The following SLC25A48 variants were observed in gnomAD, a reference collection of about 807,000 sequenced individuals.
SLC25A48 encodes the protein solute carrier family 25 member 48, also known as CTC-321K16.1.
SLC25A48 carries 29 observed loss-of-function variants against 32.2 expected under a neutral mutation model. The observed-to-expected ratio is 0.90, with a 90% CI of 0.67 to 1.23. The LOEUF is 1.23. SLC25A48 is among the 50% of genes most tolerant of loss of function. The pLI, the probability that SLC25A48 is intolerant of heterozygous loss-of-function variation, is 0.00. For missense variants in SLC25A48, 399 were observed against 422.7 expected (o/e 0.94, Z 0.49); for synonymous variants, 164 against 172.3 (o/e 0.95, Z 0.38).
chr5:135,698,610 G>A (rs1322698332), intron 3 of SLC25A48, among the ~76,000 whole-genome samples: 29 of 152,042 alleles, frequency 1.9e-4, no homozygotes, highest in Non-Finnish European at 1.8e-4. Context: ...AAAAGATATT[G>A]GAAAGAATAT....
At position 135,880,581 on chromosome 5, in the gene SLC25A48, A is replaced by G. The variant is rs112255628; in HGVS notation, c.*7+484A>G. ...TCTGCCACCATTCTTTGCCTCCCATACCCTCTTTTTCTTTCTCATTGCAGA... is the reference window on the plus strand; with the variant it reads ...TCTGCCACCATTCTTTGCCTCCCATGCCCTCTTTTTCTTTCTCATTGCAGA... On this transcript the variant is annotated intron_variant, in intron 7 of 7. Transcript: ENST00000681962. Among the ~76,000 whole-genome samples the G allele has an allele frequency of 6.2e-3, 937 of 151,518 alleles. 12 individuals are homozygous for G. The highest frequency in any genetic ancestry group is 0.021 in the African/African-American group (881 of 41,272).
chr5:135,749,549 A>G (rs1487438567), intron 3 of SLC25A48, among the ~76,000 whole-genome samples: 2 of 151,910 alleles, frequency 1.3e-5, no homozygotes, highest in African/African-American at 4.8e-5. Context: ...ACATCCACTA[A>G]CACCTGAGGA....
intron 3 of SLC25A48, among the ~76,000 whole-genome samples, chr5:135,752,619 T>G (rs912214285): frequency 6.6e-6 from 1 of 152,172 alleles, no homozygotes; most frequent in Non-Finnish European, 1.5e-5. Flanking sequence ...TACACACATT[T>G]TGTACACACA....
rs34595811 is a variant in SLC25A48, at chr5:135,745,032, G to A, written c.-520-67491G>A. Among the ~76,000 whole-genome samples, 1,365 of 152,240 alleles carry A rather than the reference G, an allele frequency of 9.0e-3. 8 individuals carry two copies. Among genetic ancestry groups the A allele is most frequent in the Non-Finnish European group, 0.013 (907 of 68,008 alleles). On this transcript the variant is annotated intron_variant, in intron 3 of 10. Transcript: ENST00000646290. ...ACTCCAGCCTGGGCTACACAGTGCC[G>A]AGACCAGCTCGGTTGTGGAGACCCT...
intron 3 of SLC25A48, among the ~76,000 whole-genome samples, chr5:135,692,829 A>G (rs1436438988): frequency 6.6e-6 from 1 of 152,226 alleles, no homozygotes; most frequent in African/African-American, 2.4e-5. Context: ...CCACTCAACT[A>G]AGAGATGAAT....
intron 3 of SLC25A48, among the ~76,000 whole-genome samples, chr5:135,720,451 G>T (rs1400040823): frequency 1.3e-5 from 2 of 152,224 alleles, no homozygotes; most frequent in Non-Finnish European, 2.9e-5. Flanking sequence ...CCTAAACTGT[G>T]CCACCCCTTT....
At chr5:135,732,455 A>C (rs1240029175) in intron 3 of SLC25A48, among the ~76,000 whole-genome samples, 3 of 152,140 alleles carry the variant, frequency 2.0e-5, no homozygotes, top group Non-Finnish European at 4.4e-5. Context: ...TTCCTGACCC[A>C]AGGCATGTGA....
chr5:135,652,468 A>G lies in SLC25A48; in HGVS notation c.-521+17512A>G, dbSNP rs115242314. 3.7e-3 allele frequency: 1,679 copies of G among 455,986 alleles called. 32 individuals carry two copies. The highest frequency in any genetic ancestry group is 0.03 in the African/African-American group (1,518 of 50,182). 28.2% of individuals were successfully genotyped at this position (455,986 alleles called of 1,614,324 possible). On this transcript the variant is annotated intron_variant, in intron 3 of 10. Transcript: ENST00000646290. ...CTTCTGATCCAAGAACCCACTTCTCAGCAAAGAAAGTGGTGCAATGGATTA... is the reference window on the plus strand; with the variant it reads ...CTTCTGATCCAAGAACCCACTTCTCGGCAAAGAAAGTGGTGCAATGGATTA...
chr5:135,726,227 T>A (rs1179789306), intron 3 of SLC25A48, among the ~76,000 whole-genome samples: 3 of 152,212 alleles, frequency 2.0e-5, no homozygotes, highest in African/African-American at 7.2e-5. Context: ...TCATGCTATG[T>A]CCTTTTTATT....
chr5:135,797,231 T>C (rs981742759), intron 3 of SLC25A48, among the ~76,000 whole-genome samples: 8 of 151,892 alleles, frequency 5.3e-5, no homozygotes, highest in South Asian at 2.1e-4. Context: ...GTTTCTAATA[T>C]CCAGAAGTGG....
At chr5:135,609,744 A>T (rs1752021797) in intron 1 of SLC25A48, 1 of 152,250 alleles carries the variant, frequency 6.6e-6, no homozygotes, top group South Asian at 2.1e-4. Flanking sequence ...TGGAAAAAGC[A>T]AAGCACAGAA....
At chr5:135,757,186 A>T (rs1187579664) in intron 3 of SLC25A48, among the ~76,000 whole-genome samples, 3 of 150,100 alleles carry the variant, frequency 2.0e-5, no homozygotes, top group Non-Finnish European at 4.5e-5. Context: ...GTCTAGTGTT[A>T]ACACATTATA....
intron 3 of SLC25A48, among the ~76,000 whole-genome samples, chr5:135,698,119 T>C (rs948197808): frequency 1.3e-5 from 2 of 152,216 alleles, no homozygotes; most frequent in Admixed American, 6.5e-5. Flanking sequence ...AAGTTGTCAG[T>C]GCAGGGAGGC....
intron 3 of SLC25A48, among the ~76,000 whole-genome samples, chr5:135,779,583 A>G (rs1756670494): frequency 1.5e-5 from 1 of 67,720 alleles, no homozygotes; most frequent in African/African-American, 3.3e-5. Flanking sequence ...GACTCCAAGT[A>G]TCTAAGGGAT....
intron 1 of SLC25A48, among the ~76,000 whole-genome samples, chr5:135,615,431 C>T (rs1417090563): frequency 6.6e-6 from 1 of 152,146 alleles, no homozygotes; most frequent in Non-Finnish European, 1.5e-5. Flanking sequence ...TGCTCCTTCT[C>T]TAAGAATCTG....
Position 135,755,763 on chromosome 5 carries a change from A to G in SLC25A48, c.-520-56760A>G, listed in dbSNP as rs562573900. Among the ~76,000 whole-genome samples, 4 of 152,002 alleles carry G rather than the reference A, an allele frequency of 2.6e-5. No individual in the cohort carries two copies. The South Asian group carries it at 8.3e-4, about 32-fold the overall frequency. On this transcript the variant is annotated intron_variant, in intron 3 of 10. Transcript: ENST00000646290. Reference sequence around the variant, plus strand: ...ATCGCTGTGATATATATATATGGTCATACGTAGTGTCAATGCACTATGGTA... The same window carrying G: ...ATCGCTGTGATATATATATATGGTCGTACGTAGTGTCAATGCACTATGGTA...
intron 3 of SLC25A48, among the ~76,000 whole-genome samples, chr5:135,851,477 T>C (rs1320051876): frequency 1.3e-5 from 2 of 152,108 alleles, no homozygotes; most frequent in African/African-American, 4.8e-5. Flanking sequence ...CTGCGGGCGG[T>C]TTCTCTGAGA....
At chr5:135,701,503 T>C (rs1316010987) in intron 3 of SLC25A48, among the ~76,000 whole-genome samples, 1 of 151,892 alleles carries the variant, frequency 6.6e-6, no homozygotes, top group Non-Finnish European at 1.5e-5. Context: ...ATATACACCC[T>C]GAACACTGAA....
intron 1 of SLC25A48, among the ~76,000 whole-genome samples, chr5:135,837,387 C>G (rs930165147): frequency 2.6e-5 from 4 of 152,164 alleles, no homozygotes; most frequent in African/African-American, 9.7e-5. Context: ...GAGCCCTTAG[C>G]TACCTGGTTA....
Sources: gnomAD v4.1 joint callset for allele counts (sites outside exome capture counted in the v4.1 genomes callset) on GRCh38, gnomAD v4.1.1 for gene constraint, MANE v1.5 for transcripts, NCBI Gene and HGNC (gene_info 2026-07-23, HGNC 2026-07-21) for gene names.